The following LRFN5 variants were observed in gnomAD, a reference collection of about 807,000 sequenced individuals.
The protein encoded by LRFN5 is leucine-rich repeat and fibronectin type-III domain-containing protein 5.
Under a neutral mutation model 45.6 loss-of-function variants are expected in LRFN5, and 24 were observed. The observed-to-expected ratio is 0.53, with a 90% CI of 0.38 to 0.74. LRFN5 has a LOEUF of 0.74. Among genes scored for constraint, LRFN5 ranks in the 30% least tolerant of loss-of-function variants. The pLI, the probability that LRFN5 is intolerant of heterozygous loss-of-function variation, is 0.00. For synonymous variants in LRFN5, 340 were observed against 313.8 expected (o/e 1.08, Z -0.88); for missense variants, 776 against 861.5 (o/e 0.90, Z 1.24).
At chr14:41,795,911 A>G (rs997729800) in intron 2 of LRFN5, among the ~76,000 whole-genome samples, 1 of 106,254 alleles carries the variant, frequency 9.4e-6, no homozygotes, top group Non-Finnish European at 1.9e-5. Flanking sequence ...TGTACCCTAG[A>G]ACTTAAAGTA....
intron 2 of LRFN5, among the ~76,000 whole-genome samples, chr14:41,861,987 T>C (rs1396281153): frequency 6.6e-6 from 1 of 152,094 alleles, no homozygotes; most frequent in Non-Finnish European, 1.5e-5. Context: ...GTTTGTTCCA[T>C]GCTGTTTTCA....
At chr14:41,802,392 G>T (rs1450074951) in intron 2 of LRFN5, among the ~76,000 whole-genome samples, 1 of 152,132 alleles carries the variant, frequency 6.6e-6, no homozygotes, top group Non-Finnish European at 1.5e-5. Context: ...AGGCAGGCCA[G>T]GGTGATCTAA....
At chr14:41,623,953 T>G (rs1343016626) in intron 1 of LRFN5, among the ~76,000 whole-genome samples, 1 of 152,010 alleles carries the variant, frequency 6.6e-6, no homozygotes, top group East Asian at 1.9e-4. Context: ...GTGAAGAAAA[T>G]AATGCAGTGT....
intron 1 of LRFN5, among the ~76,000 whole-genome samples, chr14:41,664,159 A>G (rs1179249741): frequency 6.6e-6 from 1 of 152,050 alleles, no homozygotes; most frequent in East Asian, 1.9e-4. Flanking sequence ...GACACGAGGG[A>G]GTAAAAATTA....
chr14:41,827,293 G>T (rs770055206), intron 2 of LRFN5, among the ~76,000 whole-genome samples: 3 of 151,908 alleles, frequency 2.0e-5, no homozygotes, highest in Non-Finnish European at 4.4e-5. Flanking sequence ...GCTTATGATG[G>T]CAATTGCATT....
intron 2 of LRFN5, among the ~76,000 whole-genome samples, chr14:41,828,212 A>G (rs140722646): frequency 1.3e-5 from 2 of 152,142 alleles, no homozygotes; most frequent in African/African-American, 4.8e-5. Flanking sequence ...AGTTTCTTTC[A>G]TTTATTATCT....
intron 2 of LRFN5, among the ~76,000 whole-genome samples, chr14:41,835,160 T>C (rs2139040895): frequency 6.6e-6 from 1 of 152,306 alleles, no homozygotes; most frequent in East Asian, 1.9e-4. Context: ...AGAAAATTAT[T>C]TAGCAGTTTC....
rs143357119 is a variant in LRFN5 at position 41,891,931 on chromosome 14, G to A, written c.2067G>A (p.Gly689=). Reference sequence around the variant, plus strand: ...GTCCTCCCGATTCTGTCACAGAGGGGCCCACGTCTAAAAGAGCACATATAA... The same window carrying A: ...GTCCTCCCGATTCTGTCACAGAGGGACCCACGTCTAAAAGAGCACATATAA... ...ASRPPDSVTE[G]PTSKRAHIKP... Residue 689 remains glycine, a synonymous_variant, in exon 4 of 6, where the codon GGG becomes GGA. Coordinates refer to ENST00000298119, the MANE Select transcript of LRFN5 (RefSeq NM_152447.5). 87 of 1,613,790 alleles carry A rather than the reference G, an allele frequency of 5.4e-5. No individual in the cohort carries two copies. The highest frequency in any genetic ancestry group is 7.1e-5 in the Non-Finnish European group (84 of 1,180,004).
intron 2 of LRFN5, among the ~76,000 whole-genome samples, chr14:41,805,837 G>A (rs1393468154): frequency 1.3e-5 from 2 of 152,136 alleles, no homozygotes; most frequent in African/African-American, 4.8e-5. Flanking sequence ...ACTCCTCAGA[G>A]TGGTTTTCTT....
At chr14:41,610,030 G>GCA (rs1566586692) in intron 1 of LRFN5, 1 of 152,660 alleles carries the variant, frequency 6.6e-6, no homozygotes, top group South Asian at 2.1e-4. Context: ...GTGCTACAAG[G>GCA]CCATGTATGC....
intron 2 of LRFN5, among the ~76,000 whole-genome samples, chr14:41,791,053 A>G (rs2138943867): frequency 6.6e-6 from 1 of 151,942 alleles, no homozygotes. Flanking sequence ...TTTACTCTAT[A>G]TATTTTGTTG....
At chr14:41,885,837 CA>C (rs1255057740) in intron 2 of LRFN5, among the ~76,000 whole-genome samples, 2 of 151,594 alleles carry the variant, frequency 1.3e-5, no homozygotes, top group Admixed American at 6.6e-5. Context: ...CCCAACATGA[CA>C]AACCCTGTCT....
chr14:41,688,527 C>T (rs1882221622), intron 1 of LRFN5, among the ~76,000 whole-genome samples: 2 of 151,156 alleles, frequency 1.3e-5, no homozygotes, highest in Admixed American at 1.3e-4. Flanking sequence ...TTCCTAATAA[C>T]AATGTAATTA....
At chr14:41,859,977 G>A (rs557276044) in intron 2 of LRFN5, among the ~76,000 whole-genome samples, 4 of 152,208 alleles carry the variant, frequency 2.6e-5, no homozygotes, top group African/African-American at 9.6e-5. Flanking sequence ...GCAAAGACAT[G>A]TGGAGTATAC....
intron 1 of LRFN5, among the ~76,000 whole-genome samples, chr14:41,721,959 G>A (rs1212859242): frequency 1.3e-5 from 2 of 151,914 alleles, no homozygotes; most frequent in African/African-American, 2.4e-5. Flanking sequence ...CCTCAAATAT[G>A]TTTTCCAAGT....
intron 5 of LRFN5, among the ~76,000 whole-genome samples, chr14:41,901,607 C>T (rs367725175): frequency 6.6e-6 from 1 of 151,988 alleles, no homozygotes; most frequent in African/African-American, 2.4e-5. Flanking sequence ...GCAATAAAAT[C>T]TCTGTTACAG....
intron 2 of LRFN5, among the ~76,000 whole-genome samples, chr14:41,797,607 CA>C (rs1386968949): frequency 2.0e-5 from 3 of 151,280 alleles, no homozygotes; most frequent in Non-Finnish European, 4.4e-5. Context: ...AATTTCCAGC[CA>C]GACAAAAAGT....
At chr14:41,791,750 C>G (rs1226154742) in intron 2 of LRFN5, among the ~76,000 whole-genome samples, 1 of 152,068 alleles carries the variant, frequency 6.6e-6, no homozygotes, top group Non-Finnish European at 1.5e-5. Flanking sequence ...TCTCAACTTT[C>G]AGGTAATACT....
intron 1 of LRFN5, among the ~76,000 whole-genome samples, chr14:41,647,731 C>A (rs1017964550): frequency 2.0e-5 from 3 of 152,008 alleles, no homozygotes; most frequent in African/African-American, 7.3e-5. Context: ...CAAAACTTAA[C>A]ATAAGAAGAG....
Sources: allele counts gnomAD v4.1 joint callset (sites outside exome capture counted in the v4.1 genomes callset), GRCh38; gene constraint gnomAD v4.1.1; transcripts MANE v1.5; gene names NCBI Gene and HGNC (gene_info 2026-07-23, HGNC 2026-07-21).